The following ANKS1B variants were observed in gnomAD, a reference collection of about 807,000 sequenced individuals.
ANKS1B encodes the protein ankyrin repeat and sterile alpha motif domain containing 1B, also known as ankyrin repeat and sterile alpha motif domain-containing protein 1B.
In ANKS1B, 36 loss-of-function variants were observed where a neutral mutation model predicts 148.3. That is an observed-to-expected ratio of 0.24 (90% CI 0.19 to 0.32). The LOEUF is 0.32. ANKS1B is among the 10% of genes least tolerant of loss of function. The pLI, the probability that ANKS1B is intolerant of heterozygous loss-of-function variation, is 1.00. For synonymous variants in ANKS1B, 542 were observed against 560.8 expected (o/e 0.97, Z 0.47); for missense variants, 1,157 against 1,542.6 (o/e 0.75, Z 4.19).
chr12:99,484,762 GT>G (rs1235548049), intron 10 of ANKS1B, among the ~76,000 whole-genome samples: 1 of 112,250 alleles, frequency 8.9e-6, no homozygotes, highest in Non-Finnish European at 1.7e-5. Context: ...GTGTGTGTGT[GT>G]GTTTTTTTTT....
At chr12:99,465,219 A>T (rs1239940182) in intron 10 of ANKS1B, among the ~76,000 whole-genome samples, 1 of 152,166 alleles carries the variant, frequency 6.6e-6, no homozygotes, top group Non-Finnish European at 1.5e-5. Flanking sequence ...GAGAAATAAC[A>T]TACCTTACAG....
At position 99,984,403 on chromosome 12, in the gene ANKS1B, C is replaced by T. The variant is rs2095751684; in HGVS notation, c.-166G>A. 1 of 557,934 alleles carries T rather than the reference C, an allele frequency of 1.8e-6. No homozygotes were observed. Among genetic ancestry groups the T allele is most frequent in the African/African-American group, 1.9e-5 (1 of 53,174 alleles). The allele number at this position is 557,934 out of a possible 1,614,324, so 34.6% of individuals were successfully genotyped here. On this transcript the variant is annotated 5_prime_UTR_variant, in exon 1 of 27. Transcript: ENST00000683438. ...CCCCAGGCAGGGAGCACGACTCTCT[C>T]CTCCTCTTCGGGGCGCAGCTTTTAC... is the stretch of plus-strand genomic sequence containing the variant.
intron 11 of ANKS1B, among the ~76,000 whole-genome samples, chr12:99,418,587 C>T (rs2094981272): frequency 6.6e-6 from 1 of 152,152 alleles, no homozygotes; most frequent in Admixed American, 6.5e-5. Flanking sequence ...ATGTCATCTG[C>T]AAATAGGAAG....
intron 1 of ANKS1B, among the ~76,000 whole-genome samples, chr12:99,936,755 C>T (rs2094783406): frequency 6.6e-6 from 1 of 152,142 alleles, no homozygotes. Context: ...TACTTTTTTC[C>T]CGCTATTTTC....
intron 17 of ANKS1B, among the ~76,000 whole-genome samples, chr12:98,866,755 T>C (rs985071012): frequency 5.9e-5 from 9 of 152,312 alleles, no homozygotes; most frequent in Admixed American, 4.6e-4. Flanking sequence ...TATACAACAT[T>C]GCTTCCTGCA....
chr12:99,009,225 G>T (rs1326026037), intron 17 of ANKS1B, among the ~76,000 whole-genome samples: 1 of 152,170 alleles, frequency 6.6e-6, no homozygotes, highest in East Asian at 1.9e-4. Context: ...TAGGCCTCTA[G>T]ATCACTCAGA....
intron 8 of ANKS1B, among the ~76,000 whole-genome samples, chr12:99,724,117 C>A (rs566811206): frequency 6.6e-6 from 1 of 151,960 alleles, no homozygotes; most frequent in South Asian, 2.1e-4. Context: ...GATTGCAATG[C>A]CGCTCCAGCA....
chr12:99,260,368 T>G (rs907952635), intron 12 of ANKS1B, among the ~76,000 whole-genome samples: 2 of 152,214 alleles, frequency 1.3e-5, no homozygotes, highest in African/African-American at 4.8e-5. Context: ...CCAAATGTCC[T>G]CAGTAAAAGC....
intron 12 of ANKS1B, among the ~76,000 whole-genome samples, chr12:99,389,338 T>G (rs2093979825): frequency 6.6e-6 from 1 of 152,026 alleles, no homozygotes; most frequent in Non-Finnish European, 1.5e-5. Context: ...GGGAAGATGT[T>G]CTCCCCAAAG....
intron 8 of ANKS1B, among the ~76,000 whole-genome samples, chr12:99,772,353 C>G (rs908173066): frequency 6.6e-6 from 1 of 152,030 alleles, no homozygotes; most frequent in Non-Finnish European, 1.5e-5. Flanking sequence ...TTTTATATGG[C>G]AATATTTTCA....
intron 11 of ANKS1B, among the ~76,000 whole-genome samples, chr12:99,415,401 A>C (rs1405517445): frequency 6.6e-6 from 1 of 152,196 alleles, no homozygotes; most frequent in Admixed American, 6.5e-5. Flanking sequence ...GGATTATAGA[A>C]GATATATTCT....
intron 8 of ANKS1B, among the ~76,000 whole-genome samples, chr12:99,696,245 A>G (rs1025781237): frequency 2.0e-5 from 3 of 152,338 alleles, no homozygotes; most frequent in African/African-American, 7.2e-5. Flanking sequence ...GAAGATACCT[A>G]TAAGATGATG....
intron 9 of ANKS1B, among the ~76,000 whole-genome samples, chr12:99,612,056 A>T (rs2221204): frequency 0.69 from 104,049 of 151,786 alleles, 36,011 homozygotes; most frequent in African/African-American, 0.76. Context: ...TTAGAGCAAA[A>T]TTGTCAGTTA....
intron 17 of ANKS1B, among the ~76,000 whole-genome samples, chr12:98,918,352 T>C (rs1195711491): frequency 6.6e-6 from 1 of 152,204 alleles, no homozygotes; most frequent in Non-Finnish European, 1.5e-5. Context: ...TGGGACCATG[T>C]GTAAGCGGAA....
rs1185987772 is a variant in ANKS1B at position 99,504,615 on chromosome 12, G to A, written c.1299C>T (p.Tyr433=). ...AAGCAGATGGTACAATTTCCATAGT[G>A]TAATTTCTCTTCTTTGGATAGGACT... is the stretch of plus-strand genomic sequence containing the variant. ...AQESYPKKRN[Y]TMEIVPSASL... is the part of the protein sequence containing the mutation. Residue 433 remains tyrosine (Y), a synonymous_variant, in exon 10 of 27, where the codon TAC becomes TAT. Coordinates refer to ENST00000683438, the MANE Select transcript of ANKS1B (RefSeq NM_001352186.2). The A allele has an allele frequency of 6.2e-7, 1 of 1,600,184 alleles. No individual in the cohort carries two copies.
At chr12:98,853,395 C>T (rs995243385) in intron 17 of ANKS1B, among the ~76,000 whole-genome samples, 5 of 152,146 alleles carry the variant, frequency 3.3e-5, no homozygotes, top group African/African-American at 7.2e-5. Flanking sequence ...TGAACACCAC[C>T]GAGGGCCCAT....
intron 25 of ANKS1B, among the ~76,000 whole-genome samples, chr12:98,762,273 A>C (rs1165957784): frequency 1.3e-5 from 2 of 152,220 alleles, no homozygotes; most frequent in Admixed American, 1.3e-4. Context: ...GGTGTGGTCC[A>C]GGTGACCTAT....
intron 12 of ANKS1B, among the ~76,000 whole-genome samples, chr12:99,344,140 T>G (rs1442628388): frequency 6.6e-6 from 1 of 152,040 alleles, no homozygotes; most frequent in East Asian, 1.9e-4. Flanking sequence ...TCTGTCTCCC[T>G]GATTACCCAC....
chr12:98,768,627 A>T (rs1343266966), intron 25 of ANKS1B, among the ~76,000 whole-genome samples: 1 of 150,930 alleles, frequency 6.6e-6, no homozygotes, highest in Non-Finnish European at 1.5e-5. Flanking sequence ...CCAGCTGCTC[A>T]GGAGGCTGAG....
Sources: gnomAD v4.1 joint callset for allele counts (sites outside exome capture counted in the v4.1 genomes callset) on GRCh38, gnomAD v4.1.1 for gene constraint, MANE v1.5 for transcripts, NCBI Gene and HGNC (gene_info 2026-07-23, HGNC 2026-07-21) for gene names.